SATB1: variants seen among roughly 807,000 people sequenced by gnomAD.
SATB1 encodes the protein DNA-binding protein SATB1.
Under a neutral mutation model 86.9 loss-of-function variants are expected in SATB1, and 11 were observed. The ratio of observed to expected loss-of-function variants is 0.13; its 90% CI spans 0.08 to 0.21. The LOEUF (loss-of-function observed/expected upper bound fraction) is 0.21, where lower values mean the gene tolerates loss of function less well. SATB1 is among the 10% of genes least tolerant of loss of function. The pLI is 1.00. For synonymous variants in SATB1, 357 were observed against 357.2 expected (o/e 1.00, Z 0.01); for missense variants, 551 against 937.6 (o/e 0.59, Z 5.39).
Position 18,347,825 on chromosome 3 carries a change from T to C in SATB1, c.*1345A>G, listed in dbSNP as rs1439414096. 6.6e-6 allele frequency: 1 copy of C among 152,220 alleles called. No homozygotes were observed. The highest frequency in any genetic ancestry group is 1.5e-5 in the Non-Finnish European group (1 of 68,016). 9.4% of individuals were successfully genotyped at this position (152,220 alleles called of 1,614,324 possible). A position where few individuals can be genotyped will look rare whatever the true frequency, so the allele number is the denominator to read the frequency against. ...AATTTACAGTGTTTCAAGTAACTTGTCAATTGCTCTTTTTAAAATCAGTGA... is the reference window on the plus strand; with the variant it reads ...AATTTACAGTGTTTCAAGTAACTTGCCAATTGCTCTTTTTAAAATCAGTGA... On this transcript the variant is annotated 3_prime_UTR_variant, in exon 11 of 11. Coordinates refer to ENST00000338745, the MANE Select transcript of SATB1 (RefSeq NM_002971.6).
At position 18,386,480 on chromosome 3, in the gene SATB1, G is replaced by A. The variant is rs780193373; in HGVS notation, c.1338C>T (p.Asp446=). The change falls in exon 8 of 11, where the codon GAC becomes GAT. Residue 446 remains aspartate, a synonymous_variant. Coordinates refer to ENST00000338745, the MANE Select transcript of SATB1 (RefSeq NM_002971.6). The surrounding 1 kb of genome is among the most constrained non-coding windows in gnomAD (Gnocchi z 4.5). ...CAGCATTCAAGCTCCTTTCCCTTTCGTCCTGGTATATTCGGTCTCTTTCAG... is the reference window on the plus strand; with the variant it reads ...CAGCATTCAAGCTCCTTTCCCTTTCATCCTGGTATATTCGGTCTCTTTCAG... The part of the protein sequence containing the change: ...PEAERDRIYQ[D]ERERSLNAAS... 13 of 1,614,080 alleles carry A rather than the reference G, an allele frequency of 8.1e-6. No homozygotes were observed. The highest frequency in any genetic ancestry group is 5.3e-5 in the African/African-American group (4 of 75,002).
At chr3:18,422,463 G>A (rs1001435447) in intron 1 of SATB1, among the ~76,000 whole-genome samples, 1 of 152,210 alleles carries the variant, frequency 6.6e-6, no homozygotes, top group Non-Finnish European at 1.5e-5. Context: ...GTACTCCAGA[G>A]TGGCACACTG....
At position 18,378,268 on chromosome 3, in the gene SATB1, T is replaced by A; in HGVS notation, c.1477A>T (p.Asn493Tyr). 1.2e-6 allele frequency: 2 copies of A among 1,612,088 alleles called. No individual in the cohort carries two copies. The highest frequency in any genetic ancestry group is 8.5e-7 in the Non-Finnish European group (1 of 1,179,122). The stretch of plus-strand genomic sequence containing the variant: ...TCATCATAAATGGAAGCATTAATGT[T>A]CATGGTATTGTTCTCTGGTTTCCCA... ...RNGKPENNTM[N>Y]INASIYDEIQ... Residue 493 changes from asparagine (N) to tyrosine (Y), a missense_variant, in exon 9 of 11, where the codon AAC becomes TAC. Around this residue, in one of 8 missense-constraint regions of SATB1, gnomAD observed 110 missense variants for 212.2 expected, o/e 0.52. Transcript: ENST00000338745.
chr3:18,386,678 C>T lies in SATB1; in HGVS notation c.1207-67G>A. The T allele has an allele frequency of 1.6e-6, 2 of 1,263,992 alleles. No individual in the cohort carries two copies. Among genetic ancestry groups the T allele is most frequent in the Non-Finnish European group, 2.3e-6 (2 of 866,772 alleles). 78.3% of individuals were successfully genotyped at this position (1,263,992 alleles called of 1,614,324 possible). On this transcript the variant is annotated intron_variant, in intron 7 of 10. Coordinates refer to ENST00000338745, the MANE Select transcript of SATB1 (RefSeq NM_002971.6). The surrounding 1 kb of genome is among the most constrained non-coding windows in gnomAD (Gnocchi z 4.5). The stretch of plus-strand genomic sequence containing the variant: ...TTTGCCTGGCCAGCAGTGATCCTTC[C>T]CTTTTCTTCTCCACTCTGTTTAGAA...
Position 18,373,134 on chromosome 3 carries a change from A to G in SATB1, c.1575+5036T>C, listed in dbSNP as rs370347751. On this transcript the variant is annotated intron_variant, in intron 9 of 10. Transcript: ENST00000338745. Reference sequence around the variant, plus strand: ...CTACACATTTAGATGGAGAACATGTAAAGGGGCAGTTCTCTCTTTAGAAAG... The same window carrying G: ...CTACACATTTAGATGGAGAACATGTGAAGGGGCAGTTCTCTCTTTAGAAAG... Among the ~76,000 whole-genome samples, 489 of 152,338 alleles carry G rather than the reference A, an allele frequency of 3.2e-3. 1 individual carries two copies. The highest frequency in any genetic ancestry group is 0.011 in the African/African-American group (441 of 41,574).
chr3:18,383,931 T>C (rs1160902224), intron 8 of SATB1, among the ~76,000 whole-genome samples: 1 of 152,174 alleles, frequency 6.6e-6, no homozygotes, highest in Non-Finnish European at 1.5e-5. Flanking sequence ...AATTTAAAGA[T>C]TTATATTGCA....
intron 8 of SATB1, among the ~76,000 whole-genome samples, chr3:18,378,766 T>C (rs1296306928): frequency 1.3e-5 from 2 of 152,230 alleles, no homozygotes; most frequent in African/African-American, 4.8e-5. Context: ...TTACATACTA[T>C]GGCCTTTTTA....
chr3:18,420,698 T>G (rs1698341181), intron 2 of SATB1, 59 bp downstream of exon 2: 9 of 1,344,152 alleles, frequency 6.7e-6, no homozygotes, highest in Non-Finnish European at 8.5e-6. Context: ...CCACACAGTG[T>G]GGCCTTGTGT....
intron 1 of SATB1, chr3:18,445,037 C>T (rs893041041): frequency 1.3e-5 from 3 of 226,366 alleles, no homozygotes; most frequent in African/African-American, 4.7e-5. Context: ...GGGGCGTCCC[C>T]CGCGGGAGCC....
rs369691267 is a variant in SATB1 at position 18,367,424 on chromosome 3, A to T, written c.1575+10746T>A. ...TTCCTTCCTGTATGTTTTCATGAAG[A>T]TATGAGAGCACTGAAGAATAGCAAT... On this transcript the variant is annotated intron_variant, in intron 9 of 10. Transcript: ENST00000338745. Among the ~76,000 whole-genome samples, 84 of 152,310 alleles carry T rather than the reference A, an allele frequency of 5.5e-4. 1 individual carries two copies. Among genetic ancestry groups the T allele is most frequent in the African/African-American group, 1.9e-3 (81 of 41,574 alleles).
intron 8 of SATB1, among the ~76,000 whole-genome samples, chr3:18,382,411 C>T (rs1696112679): frequency 6.6e-6 from 1 of 152,134 alleles, no homozygotes; most frequent in South Asian, 2.1e-4. Flanking sequence ...CCAAAAGTCA[C>T]ACACCATAAA....
upstream of SATB1, among the ~76,000 whole-genome samples, chr3:18,442,514 T>G (rs943954704): frequency 1.3e-5 from 2 of 152,228 alleles, no homozygotes; most frequent in Non-Finnish European, 2.9e-5. Flanking sequence ...TGCATAGTCA[T>G]TTAAAACGTG....
chr3:18,396,279 T>C (rs1433851809), intron 6 of SATB1, among the ~76,000 whole-genome samples: 1 of 151,746 alleles, frequency 6.6e-6, no homozygotes, highest in Non-Finnish European at 1.5e-5. Flanking sequence ...TTAATTTTTC[T>C]TAAAAAATTA....
chr3:18,406,481 C>G (rs527681387), intron 5 of SATB1, among the ~76,000 whole-genome samples: 202 of 151,882 alleles, frequency 1.3e-3, no homozygotes, highest in Non-Finnish European at 2.5e-3. Context: ...GTAACTGAGA[C>G]AAAATGAAAA....
chr3:18,413,360 A>C (rs2125153803), intron 5 of SATB1, among the ~76,000 whole-genome samples: 1 of 152,242 alleles, frequency 6.6e-6, no homozygotes, highest in East Asian at 1.9e-4. Context: ...CCTCTTCTTC[A>C]GCTCATAGTA....
intron 9 of SATB1, among the ~76,000 whole-genome samples, chr3:18,355,045 G>A (rs968707876): frequency 6.6e-6 from 1 of 151,858 alleles, no homozygotes; most frequent in African/African-American, 2.4e-5. Flanking sequence ...GCATGTCTCC[G>A]CTAGCCTTTC....
At chr3:18,384,318 G>C (rs1309863457) in intron 8 of SATB1, among the ~76,000 whole-genome samples, 2 of 152,132 alleles carry the variant, frequency 1.3e-5, no homozygotes, top group Non-Finnish European at 2.9e-5. Context: ...ATAAGAATTG[G>C]TATAACTTTA....
intron 2 of SATB1, among the ~76,000 whole-genome samples, chr3:18,430,902 T>G (rs879432322): frequency 6.6e-6 from 1 of 152,224 alleles, no homozygotes. Flanking sequence ...CCAATGTTTA[T>G]GTTTGTTTTG....
chr3:18,408,135 T>A (rs181927874), intron 5 of SATB1, among the ~76,000 whole-genome samples: 6 of 152,144 alleles, frequency 3.9e-5, no homozygotes, highest in African/African-American at 9.6e-5. Context: ...AGCATTTCTA[T>A]GGGAAAATAT....
Sources: allele counts gnomAD v4.1 joint callset (sites outside exome capture counted in the v4.1 genomes callset), GRCh38; gene constraint gnomAD v4.1.1; regional missense constraint gnomAD v4.1.1; non-coding constraint Gnocchi (gnomAD v3.1); transcripts MANE v1.5; gene names NCBI Gene and HGNC (gene_info 2026-07-23, HGNC 2026-07-21).